The following DGKD variants were observed in gnomAD, a reference collection of about 807,000 sequenced individuals.
DGKD encodes DAG kinase delta.
In DGKD, 68 loss-of-function variants were observed where a neutral mutation model predicts 154.4. The observed-to-expected ratio is 0.44, with a 90% CI of 0.36 to 0.54. DGKD has a LOEUF of 0.54. Among genes scored for constraint, DGKD ranks in the 20% least tolerant of loss-of-function variants. The pLI, the probability that DGKD is intolerant of heterozygous loss-of-function variation, is 0.00. For missense variants in DGKD, 1,343 were observed against 1,593.6 expected, an observed-to-expected ratio of 0.84 and a Z score of 2.68; for synonymous variants, 693 against 638.0, an observed-to-expected ratio of 1.09 and a Z score of -1.30.
rs754117375 is a variant in DGKD, at chr2:233,436,373, G to A, written c.751G>A (p.Val251Met). 19 of 1,614,100 alleles carry A rather than the reference G, an allele frequency of 1.2e-5. No individual in the cohort carries two copies. Among genetic ancestry groups the A allele is most frequent in the Admixed American group, 1.2e-4 (7 of 60,012 alleles). ...CCTACCTGTGAGCGCCAAGTGCACTGTGTGCGACAAGACCTGTGGCAGTGT... is the reference window on the plus strand; with the variant it reads ...CCTACCTGTGAGCGCCAAGTGCACTATGTGCGACAAGACCTGTGGCAGTGT... ...GNLPVSAKCT[V>M]CDKTCGSVLR... The change falls in exon 7 of 30, where the codon GTG becomes ATG. Residue 251 changes from valine to methionine, a missense_variant. By Grantham distance (21) the Val-to-Met change is conservative (BLOSUM62 1). Around this residue, in one of 6 missense-constraint regions of DGKD, gnomAD observed 332 missense variants for 400.1 expected, o/e 0.83. Transcript: ENST00000264057.
chr2:233,434,470 A>G lies in DGKD; in HGVS notation c.439A>G (p.Arg147Gly). The G allele has an allele frequency of 2.5e-6, 4 of 1,614,148 alleles. No homozygotes were observed. Among genetic ancestry groups the G allele is most frequent in the Non-Finnish European group, 3.4e-6 (4 of 1,179,984 alleles). Residue 147 changes from arginine (R) to glycine (G), a missense_variant, in exon 4 of 30, where the codon AGG becomes GGG. Coordinates refer to ENST00000264057, the MANE Select transcript of DGKD (RefSeq NM_152879.3). ...WIAALKTVQN[R>G]EHFEPTQYSM... ...TGCAGCATTAAAGACTGTGCAGAAC[A>G]GGGAGCACTTTGAGGTTAAAAAAGA...
intron 3 of DGKD, among the ~76,000 whole-genome samples, chr2:233,430,130 G>A (rs913067557): frequency 6.6e-5 from 10 of 152,240 alleles, no homozygotes; most frequent in African/African-American, 2.4e-4. Flanking sequence ...CACTGTTGGT[G>A]AGAATGCAAA....
At chr2:233,393,499 G>C (rs1703782611) in intron 3 of DGKD, among the ~76,000 whole-genome samples, 1 of 151,306 alleles carries the variant, frequency 6.6e-6, no homozygotes, top group South Asian at 2.1e-4. Context: ...ACCACGCCTG[G>C]CTGATTTTTG....
At chr2:233,454,312 CAT>C (rs573838353) in intron 18 of DGKD, 9 of 457,628 alleles carry the variant, frequency 2.0e-5, no homozygotes, top group South Asian at 4.8e-5. Flanking sequence ...AGCGCTAACA[CAT>C]GTTATAACAT....
At chr2:233,396,069 C>T (rs972664409) in intron 3 of DGKD, among the ~76,000 whole-genome samples, 3 of 152,122 alleles carry the variant, frequency 2.0e-5, no homozygotes, top group African/African-American at 7.2e-5. Context: ...GAATCAAATA[C>T]GATATTTTAT....
intron 12 of DGKD, chr2:233,447,363 G>A: frequency 2.2e-6 from 1 of 456,350 alleles, no homozygotes; most frequent in Middle Eastern, 1.1e-3. Context: ...TCTATTTTGT[G>A]CTGGTGCAGT....
rs533891666 is a variant in DGKD at position 233,362,160 on chromosome 2, G to A, written c.156+7486G>A. On this transcript the variant is annotated intron_variant, in intron 1 of 29. Transcript: ENST00000264057. The stretch of plus-strand genomic sequence containing the variant: ...TCAAAATTAACTAACCAAAAAAAGA[G>A]CAGATTAGACCCAGGCTGAAAAAAT... Among the ~76,000 whole-genome samples the A allele has an allele frequency of 9.2e-5, 14 of 152,244 alleles. No homozygotes were observed. In the South Asian group the frequency reaches 2.9e-3, roughly 32 times the overall value.
chr2:233,447,797 G>A lies in DGKD; in HGVS notation c.1420-290G>A, dbSNP rs922015551. 5.0e-6 allele frequency: 6 copies of A among 1,204,104 alleles called. No individual in the cohort carries two copies. In the African/African-American group the frequency reaches 9.4e-5, roughly 19 times the overall value. The allele number at this position is 1,204,104 out of a possible 1,614,324, so 74.6% of individuals were successfully genotyped here. On this transcript the variant is annotated intron_variant, in intron 12 of 29. Transcript: ENST00000264057. ...CCGCTGTCAGGATGAGTAGGGGTCA[G>A]GACGGAAGCTCCTAGCACAGGCCGT...
At chr2:233,423,962 G>T (rs1180119841) in intron 3 of DGKD, among the ~76,000 whole-genome samples, 1 of 151,968 alleles carries the variant, frequency 6.6e-6, no homozygotes, top group East Asian at 1.9e-4. Context: ...TACCTTTCAG[G>T]GTCTTTTTGT....
intron 3 of DGKD, chr2:233,392,307 G>A (rs114970452): frequency 0.012 from 1,816 of 151,262 alleles, 13 homozygotes; most frequent in Non-Finnish European, 0.019. Flanking sequence ...TTACAGGCAT[G>A]AGCCACTGTG....
chr2:233,449,418 C>T lies in DGKD; in HGVS notation c.1888+42C>T. The T allele has an allele frequency of 6.4e-7, 1 of 1,561,540 alleles. No individual in the cohort carries two copies. The highest frequency in any genetic ancestry group is 8.7e-7 in the Non-Finnish European group (1 of 1,147,186). Reference sequence around the variant, plus strand: ...TGAGGAGGGGCTTTCCTCAGGCCAGCACTGGGCATGCCCAGCGTCCCCTGA... The same window carrying T: ...TGAGGAGGGGCTTTCCTCAGGCCAGTACTGGGCATGCCCAGCGTCCCCTGA... On this transcript the variant is annotated intron_variant, in intron 15 of 29. Coordinates refer to ENST00000264057, the MANE Select transcript of DGKD (RefSeq NM_152879.3). This position sits in a 1 kb window ranked among gnomAD's most constrained non-coding sequence, Gnocchi z 5.3.
chr2:233,362,438 G>T (rs548149434), intron 1 of DGKD, among the ~76,000 whole-genome samples: 1 of 152,258 alleles, frequency 6.6e-6, no homozygotes, highest in South Asian at 2.1e-4. Context: ...ATCACCTGAG[G>T]TTAGGAGTTC....
intron 3 of DGKD, among the ~76,000 whole-genome samples, chr2:233,398,397 AG>A (rs1559503401): frequency 6.6e-6 from 1 of 152,000 alleles, no homozygotes; most frequent in Non-Finnish European, 1.5e-5. Flanking sequence ...CGCCGGCCTC[AG>A]CCTCCCAAAG....
At chr2:233,395,743 A>C (rs1703980166) in intron 3 of DGKD, among the ~76,000 whole-genome samples, 2 of 148,706 alleles carry the variant, frequency 1.3e-5, no homozygotes, top group African/African-American at 5.0e-5. Context: ...ATCACCATTT[A>C]CCGCAGCCTT....
intron 1 of DGKD, among the ~76,000 whole-genome samples, chr2:233,378,171 T>C (rs1575001108): frequency 6.6e-6 from 1 of 151,718 alleles, no homozygotes; most frequent in Non-Finnish European, 1.5e-5. Flanking sequence ...CCTAGCACTT[T>C]GGGAGGCCAA....
chr2:233,390,327 G>T, intron 2 of DGKD, 76 bp from the exon 3 acceptor site: 1 of 1,059,610 alleles, frequency 9.4e-7, no homozygotes, highest in African/African-American at 1.6e-5. Flanking sequence ...ATTGGGGTGT[G>T]GTGGGCAGCG....
At chr2:233,401,898 C>T (rs983945741) in intron 3 of DGKD, among the ~76,000 whole-genome samples, 19 of 116,964 alleles carry the variant, frequency 1.6e-4, no homozygotes, top group African/African-American at 2.4e-4. Context: ...CCAGCCTGGG[C>T]GACAGAGTGA....
intron 3 of DGKD, among the ~76,000 whole-genome samples, chr2:233,416,551 A>C (rs1472721033): frequency 6.6e-6 from 1 of 152,196 alleles, no homozygotes. Flanking sequence ...CTTGATACTT[A>C]CTTGTTAACT....
intron 3 of DGKD, among the ~76,000 whole-genome samples, chr2:233,430,338 A>G (rs2062466081): frequency 1.3e-5 from 2 of 152,228 alleles, no homozygotes; most frequent in Admixed American, 1.3e-4. Context: ...CAAAATTCCC[A>G]TCCATAGGGC....
Sources: gnomAD v4.1 joint callset for allele counts (sites outside exome capture counted in the v4.1 genomes callset) on GRCh38, gnomAD v4.1.1 for gene constraint, gnomAD v4.1.1 regional missense constraint, Gnocchi (gnomAD v3.1) non-coding constraint, MANE v1.5 for transcripts, NCBI Gene and HGNC (gene_info 2026-07-23, HGNC 2026-07-21) for gene names.